SLC26A7: variants seen among roughly 807,000 people sequenced by gnomAD.
SLC26A7 encodes the protein anion exchange transporter.
A neutral mutation model predicts 82.5 loss-of-function variants in SLC26A7; 59 were observed. The ratio of observed to expected loss-of-function variants is 0.72; its 90% CI spans 0.58 to 0.89. The LOEUF is 0.89. Ranked by LOEUF, SLC26A7 falls within the 40% of genes least tolerant of loss-of-function variation. SLC26A7 has a pLI of 0.00. For synonymous variants in SLC26A7, 271 were observed against 274.3 expected, an observed-to-expected ratio of 0.99 and a Z score of 0.12; for missense variants, 820 against 793.0, an observed-to-expected ratio of 1.03 and a Z score of -0.41.
intron 5 of SLC26A7, among the ~76,000 whole-genome samples, chr8:91,321,876 G>A (rs1482915367): frequency 1.4e-5 from 2 of 148,110 alleles, no homozygotes; most frequent in African/African-American, 4.9e-5. Context: ...TTGAGCTAAT[G>A]ACCGAGTGTC....
At chr8:91,307,811 A>C (rs1179740902) in intron 4 of SLC26A7, among the ~76,000 whole-genome samples, 3 of 33,828 alleles carry the variant, frequency 8.9e-5, no homozygotes, top group African/African-American at 8.8e-4. Context: ...ATAAAAATAA[A>C]TAAATAAAAA....
chr8:91,236,543 T>C (rs1322074204), intron 2 of SLC26A7, among the ~76,000 whole-genome samples: 1 of 142,076 alleles, frequency 7.0e-6, no homozygotes, highest in Non-Finnish European at 1.5e-5. Context: ...ATCACTGATA[T>C]AAATTCAATA....
chr8:91,281,065 T>C (rs1811559174), intron 2 of SLC26A7, among the ~76,000 whole-genome samples: 1 of 152,222 alleles, frequency 6.6e-6, no homozygotes, highest in South Asian at 2.1e-4. Context: ...AGAAAAAAAT[T>C]TCCTAATGGC....
intron 14 of SLC26A7, 74 bp from the exon 15 acceptor site, chr8:91,369,710 AG>A: frequency 9.0e-7 from 1 of 1,109,296 alleles, no homozygotes; most frequent in South Asian, 1.6e-5. Context: ...TATAAGTAAA[AG>A]AATTATGTGA....
chr8:91,243,808 A>G (rs1369297228), intron 2 of SLC26A7, among the ~76,000 whole-genome samples: 1 of 152,226 alleles, frequency 6.6e-6, no homozygotes, highest in East Asian at 1.9e-4. Context: ...ATAAATAATT[A>G]CATTAAGTGT....
intron 2 of SLC26A7, among the ~76,000 whole-genome samples, chr8:91,271,831 T>A (rs914857969): frequency 6.6e-6 from 1 of 152,174 alleles, no homozygotes; most frequent in Admixed American, 6.5e-5. Flanking sequence ...CCTGACCTTG[T>A]GATCCGCCTG....
intron 2 of SLC26A7, among the ~76,000 whole-genome samples, chr8:91,220,558 GT>G (rs750075656): frequency 1.3e-5 from 2 of 151,884 alleles, no homozygotes; most frequent in Non-Finnish European, 2.9e-5. Context: ...GTGTCCATGT[GT>G]TCTCAACGTT....
intron 4 of SLC26A7, among the ~76,000 whole-genome samples, chr8:91,303,648 C>T (rs1389005964): frequency 1.3e-5 from 2 of 152,282 alleles, no homozygotes; most frequent in African/African-American, 4.8e-5. Context: ...TCTGGAGACA[C>T]ATGGTCTTAT....
At position 91,351,862 on chromosome 8, in the gene SLC26A7, G is replaced by A. The variant is rs1813726545; in HGVS notation, c.1193G>A (p.Gly398Glu). 1 of 1,612,302 alleles carries A rather than the reference G, an allele frequency of 6.2e-7. No individual in the cohort carries two copies. Among genetic ancestry groups the A allele is most frequent in the Non-Finnish European group, 8.5e-7 (1 of 1,178,688 alleles). Residue 398 changes from glycine (G) to glutamate (E), a missense_variant, in exon 10 of 19, where the codon GGA becomes GAA. Transcript: ENST00000276609. ...GTCCTTATAGTCATCTATGCAATAG[G>A]ACCTTTGCTTTACTGGCTGCCCATG... ...IFVLIVIYAI[G>E]PLLYWLPMCV...
At chr8:91,301,565 T>C (rs1017578931) in intron 4 of SLC26A7, among the ~76,000 whole-genome samples, 17 of 152,112 alleles carry the variant, frequency 1.1e-4, no homozygotes, top group Non-Finnish European at 2.2e-4. Flanking sequence ...GTTTTACCCT[T>C]TGATATTTTC....
intron 2 of SLC26A7, among the ~76,000 whole-genome samples, chr8:91,255,871 GGT>G (rs1489771878): frequency 1.3e-5 from 2 of 152,140 alleles, no homozygotes; most frequent in African/African-American, 4.8e-5. Context: ...AACATGGCAA[GGT>G]TTGCAACAAA....
chr8:91,355,253 A>G (rs1813830746), intron 11 of SLC26A7, among the ~76,000 whole-genome samples: 1 of 152,134 alleles, frequency 6.6e-6, no homozygotes, highest in Non-Finnish European at 1.5e-5. Context: ...TTATCAGAAT[A>G]TCACTGTGGT....
exon 2 of SLC26A7, chr8:91,218,911 C>G: frequency 1.3e-6 from 2 of 1,549,680 alleles, no homozygotes; most frequent in Non-Finnish European, 1.7e-6. Flanking sequence ...AAGCAAGAAT[C>G]TGAAGCTGGT....
chr8:91,323,434 A>G (rs1413627664), intron 5 of SLC26A7, among the ~76,000 whole-genome samples: 1 of 152,194 alleles, frequency 6.6e-6, no homozygotes, highest in African/African-American at 2.4e-5. Context: ...AAATGCATCA[A>G]CACAAAATCC....
chr8:91,249,515 T>C lies in SLC26A7; in HGVS notation c.-113-24T>C. The C allele has an allele frequency of 5.5e-6, 3 of 550,114 alleles. 1 individual carries two copies. Among genetic ancestry groups the C allele is most frequent in the Middle Eastern group, 6.8e-4 (2 of 2,924 alleles). The allele number at this position is 550,114 out of a possible 1,614,324, so 34.1% of individuals were successfully genotyped here. A position where few individuals can be genotyped will look rare whatever the true frequency, so the allele number is the denominator to read the frequency against. On this transcript the variant is annotated intron_variant, in intron 1 of 18. Transcript: ENST00000276609. ...TGTTAATCTCTCTCTCTCTCTCTCT[T>C]TTATTTACTTATTTTCTGGGCAGCT...
At chr8:91,223,390 T>G (rs745394598) in intron 2 of SLC26A7, among the ~76,000 whole-genome samples, 1 of 152,230 alleles carries the variant, frequency 6.6e-6, no homozygotes, top group Non-Finnish European at 1.5e-5. Flanking sequence ...ATTAGTTTGC[T>G]CTTGCTTCTC....
chr8:91,319,160 TG>T (rs886323574), intron 5 of SLC26A7, among the ~76,000 whole-genome samples: 2 of 152,158 alleles, frequency 1.3e-5, no homozygotes, highest in African/African-American at 4.8e-5. Flanking sequence ...TATCTGTTAT[TG>T]AGGTGGTTTC....
At chr8:91,304,909 T>C (rs1180056788) in intron 4 of SLC26A7, among the ~76,000 whole-genome samples, 1 of 152,198 alleles carries the variant, frequency 6.6e-6, no homozygotes, top group African/African-American at 2.4e-5. Context: ...ATGACTCCTC[T>C]GTGTCTTTCA....
intron 1 of SLC26A7, among the ~76,000 whole-genome samples, chr8:91,215,397 G>A (rs1330940287): frequency 6.6e-6 from 1 of 151,924 alleles, no homozygotes; most frequent in African/African-American, 2.4e-5. Flanking sequence ...TTAAAATATG[G>A]CAGTGATGGT....
Sources: gnomAD v4.1 joint callset for allele counts (sites outside exome capture counted in the v4.1 genomes callset) on GRCh38, gnomAD v4.1.1 for gene constraint, MANE v1.5 for transcripts, NCBI Gene and HGNC (gene_info 2026-07-23, HGNC 2026-07-21) for gene names.